Variants in ELF2 observed in about 807,000 individuals in gnomAD.
ELF2 encodes the protein ETS-related transcription factor Elf-2.
ELF2 carries 11 observed loss-of-function variants against 54.8 expected under a neutral mutation model. The observed-to-expected ratio is 0.20, with a 90% CI of 0.13 to 0.33. ELF2 has a LOEUF of 0.33. ELF2 is among the 10% of genes least tolerant of loss of function. The probability of loss-of-function intolerance (pLI) is 1.00; values close to 1 mark genes in which losing one functional copy is unlikely to be tolerated. For synonymous variants in ELF2, 203 were observed against 245.1 expected (o/e 0.83, Z 1.61); for missense variants, 513 against 703.0 (o/e 0.73, Z 3.06).
chr4:139,074,792 G>A (rs371007499), intron 4 of ELF2, among the ~76,000 whole-genome samples: 1 of 151,654 alleles, frequency 6.6e-6, no homozygotes, highest in East Asian at 1.9e-4. Flanking sequence ...ATATTGCAGG[G>A]GAGGGGGAGG....
chr4:139,092,468 TAACA>T (rs1429037019), intron 4 of ELF2, among the ~76,000 whole-genome samples: 7 of 144,406 alleles, frequency 4.8e-5, no homozygotes, highest in African/African-American at 7.8e-5. Flanking sequence ...TAACATAACA[TAACA>T]TAGGGCCGGG....
intron 1 of ELF2, among the ~76,000 whole-genome samples, chr4:139,170,213 CTT>C (rs989306414): frequency 1.4e-4 from 21 of 150,010 alleles, no homozygotes; most frequent in Admixed American, 7.9e-4. Flanking sequence ...AGAAACCACA[CTT>C]CATCAAAATT....
chr4:139,069,472 T>C (rs950196778), intron 6 of ELF2, among the ~76,000 whole-genome samples: 8 of 152,190 alleles, frequency 5.3e-5, no homozygotes, highest in Admixed American at 4.6e-4. Context: ...ACTAACATCT[T>C]CAGCATCTCC....
At chr4:139,139,276 A>T (rs1398065200) in intron 2 of ELF2, 137 bp downstream of exon 2, 1 of 418,512 alleles carries the variant, frequency 2.4e-6, no homozygotes, top group Admixed American at 4.8e-5. Flanking sequence ...TTTTGATCTT[A>T]TAAACATAAA....
At chr4:139,087,480 T>C (rs1039319314) in intron 4 of ELF2, among the ~76,000 whole-genome samples, 1 of 152,166 alleles carries the variant, frequency 6.6e-6, no homozygotes, top group Non-Finnish European at 1.5e-5. Context: ...TTTGTTTTTG[T>C]TTTGAGACAG....
chr4:139,060,870 C>G (rs1727734136), intron 8 of ELF2, among the ~76,000 whole-genome samples, 196 bp from the exon 9 acceptor site: 1 of 152,164 alleles, frequency 6.6e-6, no homozygotes, highest in South Asian at 2.1e-4. Flanking sequence ...CAAGTTGGAA[C>G]CTGGGGCCAA....
intron 4 of ELF2, among the ~76,000 whole-genome samples, chr4:139,094,873 G>A (rs906714957): frequency 1.3e-5 from 2 of 151,810 alleles, no homozygotes; most frequent in Admixed American, 6.6e-5. Flanking sequence ...AGGGTGTTTT[G>A]TTTTGTTTTT....
intron 4 of ELF2, among the ~76,000 whole-genome samples, chr4:139,112,148 CTT>C (rs902461351): frequency 6.8e-6 from 1 of 146,412 alleles, no homozygotes; most frequent in African/African-American, 2.6e-5. Context: ...TTTTAATCCC[CTT>C]TCTTTCTCAT....
chr4:139,147,686 G>A (rs572872325), intron 1 of ELF2, among the ~76,000 whole-genome samples: 1 of 151,744 alleles, frequency 6.6e-6, no homozygotes, highest in Non-Finnish European at 1.5e-5. Flanking sequence ...ATCTTGACCA[G>A]GCTGGTCTTG....
At chr4:139,158,512 C>T (rs956388723) in intron 1 of ELF2, among the ~76,000 whole-genome samples, 11 of 151,708 alleles carry the variant, frequency 7.3e-5, no homozygotes, top group Non-Finnish European at 2.9e-5. Flanking sequence ...GGATTAGGGG[C>T]GACGTGGGAA....
At chr4:139,066,847 AGCCC>A (rs1486910087) in intron 7 of ELF2, 1 of 152,214 alleles carries the variant, frequency 6.6e-6, no homozygotes, top group Admixed American at 6.5e-5. Context: ...ACTGCATTCT[AGCCC>A]TGTCTGTAAA....
At chr4:139,126,796 T>C (rs571601290) in intron 3 of ELF2, among the ~76,000 whole-genome samples, 1 of 152,324 alleles carries the variant, frequency 6.6e-6, no homozygotes, top group South Asian at 2.1e-4. Flanking sequence ...TCATGTTTCC[T>C]TTCTCAAGAA....
intron 4 of ELF2, among the ~76,000 whole-genome samples, chr4:139,090,649 T>G (rs966288200): frequency 6.6e-6 from 1 of 152,168 alleles, no homozygotes; most frequent in African/African-American, 2.4e-5. Context: ...TGCGGGAGTA[T>G]AGTGGTATCA....
At chr4:139,122,668 A>G (rs1192091589) in intron 4 of ELF2, among the ~76,000 whole-genome samples, 1 of 151,434 alleles carries the variant, frequency 6.6e-6, no homozygotes, top group African/African-American at 2.4e-5. Flanking sequence ...CGCCCAGCTA[A>G]TTTTTTGTAT....
intron 4 of ELF2, among the ~76,000 whole-genome samples, chr4:139,107,372 T>G (rs1403400530): frequency 4.6e-5 from 7 of 152,184 alleles, no homozygotes; most frequent in Non-Finnish European, 1.0e-4. Flanking sequence ...TTGAAACATA[T>G]TTGTGTTAAA....
chr4:139,164,943 G>A lies in ELF2; in HGVS notation c.-252+12024C>T, dbSNP rs1413766854. ...TACATTTCTCTATAATATGGTGTAC[G>A]CTCATAACCTTGGACACACACTCTT... On this transcript the variant is annotated intron_variant, in intron 1 of 9. Coordinates refer to ENST00000686138, the MANE Select transcript of ELF2 (RefSeq NM_001331036.3). 3.9e-5 allele frequency among the ~76,000 whole-genome samples: 6 copies of A among 152,068 alleles called. No homozygotes were observed. In the East Asian group the frequency reaches 9.6e-4, roughly 24 times the overall value.
At chr4:139,121,123 T>TGC in intron 4 of ELF2, among the ~76,000 whole-genome samples, 1 of 115,888 alleles carries the variant, frequency 8.6e-6, no homozygotes, top group Non-Finnish European at 1.8e-5. Context: ...TTTTTTTTTT[T>TGC]TTTGAGACGG....
At chr4:139,177,764 C>T (rs1039386721), upstream of ELF2, among the ~76,000 whole-genome samples, 6 of 152,158 alleles carry the variant, frequency 3.9e-5, no homozygotes, top group Non-Finnish European at 8.8e-5. Context: ...CAGGCCCCGC[C>T]GTCACCGCAT....
chr4:139,150,290 C>T (rs922873733), intron 1 of ELF2, among the ~76,000 whole-genome samples: 3 of 151,512 alleles, frequency 2.0e-5, no homozygotes, highest in African/African-American at 7.3e-5. Context: ...TTGCTTGAAC[C>T]CGGGTGGCAG....
Sources: gnomAD v4.1 joint callset for allele counts (sites outside exome capture counted in the v4.1 genomes callset) on GRCh38, gnomAD v4.1.1 for gene constraint, MANE v1.5 for transcripts, NCBI Gene and HGNC (gene_info 2026-07-23, HGNC 2026-07-21) for gene names.